The following CTNNA2 variants were observed in gnomAD, a reference collection of about 807,000 sequenced individuals.
CTNNA2 encodes catenin alpha-2.
In CTNNA2, 42 loss-of-function variants were observed where a neutral mutation model predicts 101.0. That is an observed-to-expected ratio of 0.42 (90% CI 0.32 to 0.54). The LOEUF (loss-of-function observed/expected upper bound fraction) is 0.54. Among genes scored for constraint, CTNNA2 ranks in the 20% least tolerant of loss-of-function variants. The pLI is 0.14. For synonymous variants in CTNNA2, 450 were observed against 456.4 expected, an observed-to-expected ratio of 0.99 and a Z score of 0.18; for missense variants, 871 against 1,223.1, an observed-to-expected ratio of 0.71 and a Z score of 4.29.
At chr2:79,872,451 G>A (rs1445407482) in intron 5 of CTNNA2, among the ~76,000 whole-genome samples, 1 of 152,054 alleles carries the variant, frequency 6.6e-6, no homozygotes, top group Admixed American at 6.5e-5. Context: ...ATTAATAAAG[G>A]TTTTCATGAC....
intron 7 of CTNNA2, among the ~76,000 whole-genome samples, chr2:80,193,790 T>C (rs555205627): frequency 7.2e-4 from 110 of 152,286 alleles, no homozygotes; most frequent in African/African-American, 2.3e-3. Flanking sequence ...CCTTTGACAT[T>C]TACTTTTCCC....
intron 4 of CTNNA2, among the ~76,000 whole-genome samples, chr2:79,426,678 T>A (rs1678595468): frequency 6.6e-6 from 1 of 152,160 alleles, no homozygotes; most frequent in African/African-American, 2.4e-5. Context: ...ATGTAGAGTG[T>A]GGTACAATTA....
chr2:80,482,296 C>T (rs991729433), intron 9 of CTNNA2, among the ~76,000 whole-genome samples: 1 of 152,046 alleles, frequency 6.6e-6, no homozygotes, highest in Non-Finnish European at 1.5e-5. Context: ...AATAAGGAAA[C>T]TCTAACTTTT....
chr2:79,982,669 C>T (rs1470636670), intron 7 of CTNNA2, among the ~76,000 whole-genome samples: 1 of 151,912 alleles, frequency 6.6e-6, no homozygotes, highest in Non-Finnish European at 1.5e-5. Flanking sequence ...CCGGTGGCAC[C>T]CCCTGGAGGC....
intron 4 of CTNNA2, among the ~76,000 whole-genome samples, chr2:79,481,682 G>A (rs375480383): frequency 1.3e-5 from 2 of 152,216 alleles, no homozygotes; most frequent in African/African-American, 4.8e-5. Flanking sequence ...TGGTTTCACA[G>A]GTGTATTCAT....
intron 4 of CTNNA2, among the ~76,000 whole-genome samples, chr2:79,485,496 A>T (rs747668020): frequency 7.2e-5 from 11 of 152,220 alleles, no homozygotes; most frequent in Admixed American, 5.9e-4. Context: ...AAGTTTGCAA[A>T]TCGCTTTGAA....
At chr2:79,668,613 C>G (rs1054860549) in intron 2 of CTNNA2, among the ~76,000 whole-genome samples, 1 of 152,134 alleles carries the variant, frequency 6.6e-6, no homozygotes, top group African/African-American at 2.4e-5. Flanking sequence ...AAATGCACCT[C>G]TTGGACACAG....
At chr2:80,105,947 C>A (rs1463179309) in intron 7 of CTNNA2, among the ~76,000 whole-genome samples, 1 of 152,228 alleles carries the variant, frequency 6.6e-6, no homozygotes, top group South Asian at 2.1e-4. Context: ...ACTAGTGTTA[C>A]CCACACAACA....
chr2:79,740,245 TGTAA>T (rs991327508), intron 2 of CTNNA2, among the ~76,000 whole-genome samples: 13 of 152,164 alleles, frequency 8.5e-5, no homozygotes, highest in African/African-American at 3.1e-4. Flanking sequence ...AGCTCCCACT[TGTAA>T]GTGAGAACAT....
chr2:80,013,594 G>T (rs1404669138), intron 7 of CTNNA2, among the ~76,000 whole-genome samples: 1 of 152,140 alleles, frequency 6.6e-6, no homozygotes, highest in Non-Finnish European at 1.5e-5. Context: ...CTGCAGAACA[G>T]TTTTGGTTGC....
intron 6 of CTNNA2, among the ~76,000 whole-genome samples, chr2:79,900,970 A>T (rs994591217): frequency 6.6e-6 from 1 of 151,874 alleles, no homozygotes; most frequent in African/African-American, 2.4e-5. Flanking sequence ...AAAAATATAA[A>T]TTTTTTAAAG....
intron 1 of CTNNA2, among the ~76,000 whole-genome samples, chr2:79,593,088 T>C (rs1676965706): frequency 6.6e-6 from 1 of 152,222 alleles, no homozygotes; most frequent in South Asian, 2.1e-4. Flanking sequence ...GAATTATATA[T>C]ATATTTTTAC....
chr2:79,582,841 C>T (rs1676232371), intron 1 of CTNNA2, among the ~76,000 whole-genome samples: 1 of 152,100 alleles, frequency 6.6e-6, no homozygotes, highest in Non-Finnish European at 1.5e-5. Flanking sequence ...AATGTAACCA[C>T]TATCATAATG....
At chr2:79,922,524 G>A (rs1270454116) in intron 7 of CTNNA2, among the ~76,000 whole-genome samples, 1 of 151,762 alleles carries the variant, frequency 6.6e-6, no homozygotes. Flanking sequence ...TACAGACATT[G>A]CCTTTTTTTT....
chr2:79,780,331 G>T (rs935132151), intron 3 of CTNNA2, among the ~76,000 whole-genome samples: 1 of 152,170 alleles, frequency 6.6e-6, no homozygotes, highest in African/African-American at 2.4e-5. Context: ...ATCTGGCTCA[G>T]AATAAATCTC....
chr2:79,799,240 A>G (rs921206229), intron 3 of CTNNA2, among the ~76,000 whole-genome samples: 2 of 150,926 alleles, frequency 1.3e-5, no homozygotes, highest in African/African-American at 4.9e-5. Flanking sequence ...ATGTTCATGT[A>G]TATATAAACA....
In CTNNA2 at chr2:80,226,786, A is replaced by T. The variant is rs1708912441; in HGVS notation, c.1057-166425A>T. On this transcript the variant is annotated intron_variant, in intron 7 of 18. Coordinates refer to ENST00000402739, the MANE Select transcript of CTNNA2 (RefSeq NM_001282597.3). ...CCTGAAATTCAGACTAAAATACTTG[A>T]CATAGAAACATCTCCCTCTTTCTCA... Among the ~76,000 whole-genome samples the T allele has an allele frequency of 2.0e-5, 3 of 152,132 alleles. No individual in the cohort carries two copies. The South Asian group carries it at 6.2e-4, about 32-fold the overall frequency.
intron 2 of CTNNA2, among the ~76,000 whole-genome samples, chr2:79,707,598 C>A (rs1685466989): frequency 6.6e-6 from 1 of 152,178 alleles, no homozygotes; most frequent in Admixed American, 6.5e-5. Context: ...CAGTGGCATC[C>A]TTTGTACAGT....
chr2:79,213,733 C>A (rs997500764), intron 2 of CTNNA2, among the ~76,000 whole-genome samples: 18 of 152,064 alleles, frequency 1.2e-4, no homozygotes, highest in African/African-American at 3.9e-4. Flanking sequence ...GGATTGAAGT[C>A]CGGGCAAGGA....
Sources: allele counts gnomAD v4.1 joint callset (sites outside exome capture counted in the v4.1 genomes callset), GRCh38; gene constraint gnomAD v4.1.1; transcripts MANE v1.5; gene names NCBI Gene and HGNC (gene_info 2026-07-23, HGNC 2026-07-21).